RAD51B: variants seen among roughly 807,000 people sequenced by gnomAD.
RAD51B encodes DNA repair protein RAD51 homolog 2.
Under a neutral mutation model 42.2 loss-of-function variants are expected in RAD51B, and 38 were observed. The ratio of observed to expected loss-of-function variants is 0.90; its 90% confidence interval spans 0.70 to 1.18. The LOEUF is 1.18. Among genes scored for constraint, RAD51B ranks in the 50% most tolerant of loss-of-function variants. The probability of loss-of-function intolerance (pLI) is 0.00; values close to 1 mark genes in which losing one functional copy is unlikely to be tolerated. For synonymous variants in RAD51B, 154 were observed against 145.2 expected, an observed-to-expected ratio of 1.06 and a Z score of -0.43; for missense variants, 373 against 400.7, an observed-to-expected ratio of 0.93 and a Z score of 0.59.
intron 8 of RAD51B, among the ~76,000 whole-genome samples, chr14:68,360,114 G>A (rs141893157): frequency 0.021 from 3,210 of 152,228 alleles, 56 homozygotes; most frequent in East Asian, 0.048. Context: ...TGGTAGAGGC[G>A]GGGAGACCAT....
At chr14:68,339,163 T>C (rs973550483) in intron 8 of RAD51B, 1 of 765,386 alleles carries the variant, frequency 1.3e-6, no homozygotes, top group Middle Eastern at 3.7e-4. Flanking sequence ...CCTTTGCTGG[T>C]AGCTTTCTTC....
intron 7 of RAD51B, among the ~76,000 whole-genome samples, chr14:68,076,858 A>G (rs1055274195): frequency 6.6e-6 from 1 of 152,178 alleles, no homozygotes; most frequent in South Asian, 2.1e-4. Context: ...AATTCAAGGA[A>G]ATATTATATA....
At chr14:68,347,659 G>A (rs555414069) in intron 8 of RAD51B, among the ~76,000 whole-genome samples, 3 of 152,304 alleles carry the variant, frequency 2.0e-5, no homozygotes, top group Admixed American at 1.3e-4. Flanking sequence ...ATGACAGAGC[G>A]AGACCCTGTC....
intron 7 of RAD51B, among the ~76,000 whole-genome samples, chr14:68,226,441 C>G (rs2080040423): frequency 6.6e-6 from 1 of 152,170 alleles, no homozygotes; most frequent in Non-Finnish European, 1.5e-5. Context: ...TCCCATAATT[C>G]CCACGTGTTG....
chr14:68,261,503 T>C (rs2080889143), intron 7 of RAD51B, among the ~76,000 whole-genome samples: 1 of 152,234 alleles, frequency 6.6e-6, no homozygotes, highest in African/African-American at 2.4e-5. Flanking sequence ...CTCTCTTTCT[T>C]GTATATAATT....
At chr14:67,968,816 C>T (rs548970189) in intron 7 of RAD51B, among the ~76,000 whole-genome samples, 1 of 152,274 alleles carries the variant, frequency 6.6e-6, no homozygotes, top group East Asian at 1.9e-4. Flanking sequence ...AAGTTGCTTC[C>T]ACATTTTCAG....
chr14:67,905,300 C>A (rs1022558038), intron 7 of RAD51B, among the ~76,000 whole-genome samples: 1 of 152,044 alleles, frequency 6.6e-6, no homozygotes, highest in Non-Finnish European at 1.5e-5. Flanking sequence ...GGACCAGTAC[C>A]ATGCTGTTTT....
intron 8 of RAD51B, among the ~76,000 whole-genome samples, chr14:68,363,714 C>G (rs1230703326): frequency 1.3e-5 from 2 of 152,234 alleles, no homozygotes; most frequent in Non-Finnish European, 2.9e-5. Context: ...GATGCTGTAA[C>G]ACAGTCTTTC....
At chr14:68,463,750 G>C (rs1193487712) in intron 9 of RAD51B, among the ~76,000 whole-genome samples, 6 of 152,160 alleles carry the variant, frequency 3.9e-5, no homozygotes, top group Non-Finnish European at 7.3e-5. Context: ...TTGCATTGAA[G>C]TGTTTGTGGT....
chr14:68,505,327 AGAGGT>A (rs574834754), intron 10 of RAD51B, among the ~76,000 whole-genome samples: 23 of 152,218 alleles, frequency 1.5e-4, no homozygotes, highest in Non-Finnish European at 3.1e-4. Context: ...ACTCTGCCAC[AGAGGT>A]GAGTGGGGTA....
At chr14:68,202,573 C>CTTTTT (rs145298493) in intron 7 of RAD51B, among the ~76,000 whole-genome samples, 3 of 81,612 alleles carry the variant, frequency 3.7e-5, no homozygotes, top group East Asian at 3.9e-4. Flanking sequence ...GAAGCAACGT[C>CTTTTT]TTTTTTTTTT....
At chr14:68,175,444 G>T (rs1446214148) in intron 7 of RAD51B, among the ~76,000 whole-genome samples, 1 of 152,170 alleles carries the variant, frequency 6.6e-6, no homozygotes, top group Non-Finnish European at 1.5e-5. Context: ...CCGTGTTTGG[G>T]ATGTGCTACC....
chr14:68,142,362 T>C (rs117811124), intron 7 of RAD51B, among the ~76,000 whole-genome samples: 206 of 152,344 alleles, frequency 1.4e-3, no homozygotes, highest in Non-Finnish European at 2.0e-3. Flanking sequence ...GTATGTGATT[T>C]CTGTCAATAT....
At chr14:67,867,743 G>A (rs1185499230) in intron 5 of RAD51B, among the ~76,000 whole-genome samples, 1 of 152,208 alleles carries the variant, frequency 6.6e-6, no homozygotes, top group Non-Finnish European at 1.5e-5. Context: ...AACAGTTTCT[G>A]TCCCAGCCCC....
At position 68,202,115 on chromosome 14, in the gene RAD51B, C is replaced by A. The variant is rs2079498036; in HGVS notation, c.757-89769C>A. Among the ~76,000 whole-genome samples, 3 of 152,128 alleles carry A rather than the reference C, an allele frequency of 2.0e-5. No individual in the cohort carries two copies. The South Asian group carries it at 6.2e-4, about 32-fold the overall frequency. ...TCTTAAGTGTACAGTACCATTATGT[C>A]TAAAAAACCAATGTATATACTTTAA... On this transcript the variant is annotated intron_variant, in intron 7 of 10. Coordinates refer to ENST00000471583, the MANE Select transcript of RAD51B (RefSeq NM_133510.4).
At chr14:68,164,806 G>A (rs2078716439) in intron 7 of RAD51B, among the ~76,000 whole-genome samples, 1 of 152,188 alleles carries the variant, frequency 6.6e-6, no homozygotes, top group Admixed American at 6.5e-5. Context: ...TGTACCAGAT[G>A]TGGGTAGTTA....
intron 7 of RAD51B, among the ~76,000 whole-genome samples, chr14:68,187,552 A>G (rs570150289): frequency 6.6e-6 from 1 of 152,250 alleles, no homozygotes; most frequent in Non-Finnish European, 1.5e-5. Flanking sequence ...TATCCTTCAT[A>G]TGCTTTTATG....
chr14:68,250,020 A>G (rs2080587601), intron 7 of RAD51B, among the ~76,000 whole-genome samples: 1 of 152,178 alleles, frequency 6.6e-6, no homozygotes, highest in South Asian at 2.1e-4. Flanking sequence ...TCAAATTTCC[A>G]GGGGAGAGGG....
intron 4 of RAD51B, among the ~76,000 whole-genome samples, chr14:67,862,093 A>G (rs1176465943): frequency 6.6e-6 from 1 of 152,134 alleles, no homozygotes; most frequent in Non-Finnish European, 1.5e-5. Flanking sequence ...AGTTAGTAAT[A>G]ATGTTGTATA....
Sources: gnomAD v4.1 joint callset for allele counts (sites outside exome capture counted in the v4.1 genomes callset) on GRCh38, gnomAD v4.1.1 for gene constraint, MANE v1.5 for transcripts, NCBI Gene and HGNC (gene_info 2026-07-23, HGNC 2026-07-21) for gene names.